FNDC3A: variants seen among roughly 807,000 people sequenced by gnomAD.
FNDC3A encodes the protein fibronectin type-III domain-containing protein 3A.
In FNDC3A, 32 loss-of-function variants were observed where a neutral mutation model predicts 148.9. The observed-to-expected ratio is 0.21, with a 90% CI of 0.16 to 0.29. The LOEUF (loss-of-function observed/expected upper bound fraction) is 0.29. Ranked by LOEUF, FNDC3A falls within the 10% of genes least tolerant of loss-of-function variation. The probability of loss-of-function intolerance (pLI) is 1.00; values close to 1 mark genes in which losing one functional copy is unlikely to be tolerated. For missense variants in FNDC3A, 1,191 were observed against 1,452.8 expected, an observed-to-expected ratio of 0.82 and a Z score of 2.93; for synonymous variants, 472 against 473.6, an observed-to-expected ratio of 1.00 and a Z score of 0.04.
chr13:49,051,659 A>G (rs896521705), intron 2 of FNDC3A, among the ~76,000 whole-genome samples: 2 of 152,236 alleles, frequency 1.3e-5, no homozygotes, highest in Non-Finnish European at 2.9e-5. Context: ...TTAGACGATA[A>G]TCTTTTTGTG....
At chr13:49,188,493 A>C in intron 16 of FNDC3A, 22 bp from the exon 17 acceptor site, 1 of 1,468,024 alleles carries the variant, frequency 6.8e-7, no homozygotes, top group Non-Finnish European at 9.5e-7. Context: ...TATCTGATTG[A>C]ACACAATTCC....
chr13:49,168,081 C>G (rs1230698376), intron 9 of FNDC3A, among the ~76,000 whole-genome samples: 1 of 152,156 alleles, frequency 6.6e-6, no homozygotes, highest in Non-Finnish European at 1.5e-5. Flanking sequence ...GACTCTAGGG[C>G]TTACCCAGCT....
chr13:49,110,300 C>CAAAAA, intron 3 of FNDC3A: 1 of 1,257,462 alleles, frequency 8.0e-7, no homozygotes, highest in Non-Finnish European at 1.1e-6. Flanking sequence ...TACAGCCTTG[C>CAAAAA]AAAAAAAAAA....
intron 1 of FNDC3A, among the ~76,000 whole-genome samples, chr13:48,978,996 C>T (rs994359715): frequency 6.6e-6 from 1 of 152,058 alleles, no homozygotes. Context: ...ACCTTTCTGT[C>T]TTCCCACTGT....
At chr13:49,106,490 T>C (rs1422580878) in intron 3 of FNDC3A, among the ~76,000 whole-genome samples, 1 of 151,854 alleles carries the variant, frequency 6.6e-6, no homozygotes, top group Non-Finnish European at 1.5e-5. Context: ...GTTTTTGAGA[T>C]TTTTTATGGA....
rs1878030320 is a variant in FNDC3A, at chr13:49,075,422, A to T, written c.175+58A>T. 4.1e-6 allele frequency: 4 copies of T among 982,990 alleles called. No individual in the cohort carries two copies. In the East Asian group the frequency reaches 9.7e-5, roughly 24 times the overall value. The allele number at this position is 982,990 out of a possible 1,614,324, so 60.9% of individuals were successfully genotyped here. A position where few individuals can be genotyped will look rare whatever the true frequency, so the allele number is the denominator to read the frequency against. ...ACCAAATAAACCCCAAAAATTTATG[A>T]TACATAATAGTGTATATGCCTATGG... On this transcript the variant is annotated intron_variant, in intron 3 of 25. Transcript: ENST00000492622.
In FNDC3A at chr13:49,201,854, T is replaced by C. The variant is rs765696057; in HGVS notation, c.3042T>C (p.Asn1014=). 2.8e-5 allele frequency: 45 copies of C among 1,590,060 alleles called. No individual in the cohort carries two copies. The highest frequency in any genetic ancestry group is 3.5e-5 in the Non-Finnish European group (41 of 1,165,548). ...ATACATACAAAGTACAAAGACTTAA[T>C]GAGTCAACATCCTATAAATTCTGTA... ...PCHTYKVQRL[N]ESTSYKFCIQ... The change falls in exon 24 of 26, where the codon AAT becomes AAC. Residue 1014 remains asparagine (N), a synonymous_variant. Transcript: ENST00000492622.
chr13:49,040,598 TC>T (rs1874849584), intron 2 of FNDC3A, among the ~76,000 whole-genome samples: 1 of 152,226 alleles, frequency 6.6e-6, no homozygotes, highest in Non-Finnish European at 1.5e-5. Context: ...AGTTGGAAGA[TC>T]AGCAGTGCAT....
At chr13:49,199,408 A>G (rs888224406) in intron 23 of FNDC3A, among the ~76,000 whole-genome samples, 1 of 150,902 alleles carries the variant, frequency 6.6e-6, no homozygotes, top group African/African-American at 2.5e-5. Context: ...GCTCACTGCA[A>G]TCTCCGCCTC....
intron 17 of FNDC3A, among the ~76,000 whole-genome samples, chr13:49,190,510 C>T (rs1316795404): frequency 6.6e-6 from 1 of 152,044 alleles, no homozygotes; most frequent in Admixed American, 6.6e-5. Context: ...ATACCAAGAC[C>T]CCATCTCTAA....
At chr13:49,046,463 A>C (rs1220424005) in intron 2 of FNDC3A, 1 of 168,754 alleles carries the variant, frequency 5.9e-6, no homozygotes, top group African/African-American at 2.4e-5. Context: ...CTTGTTATGA[A>C]TAAAATAGAT....
At chr13:48,985,032 A>G (rs1951762873) in intron 1 of FNDC3A, among the ~76,000 whole-genome samples, 1 of 152,190 alleles carries the variant, frequency 6.6e-6, no homozygotes, top group Non-Finnish European at 1.5e-5. Flanking sequence ...AAAACTTTTA[A>G]AAGTTAATTT....
At chr13:49,073,648 T>C (rs1877856015) in intron 2 of FNDC3A, among the ~76,000 whole-genome samples, 1 of 149,048 alleles carries the variant, frequency 6.7e-6, no homozygotes, top group Non-Finnish European at 1.5e-5. Context: ...CCCCAAGATA[T>C]CTCATTTCAT....
intron 4 of FNDC3A, among the ~76,000 whole-genome samples, chr13:49,119,735 T>C (rs2137892260): frequency 6.6e-6 from 1 of 151,698 alleles, no homozygotes; most frequent in African/African-American, 2.4e-5. Flanking sequence ...GAAGAAAGGA[T>C]GTCAGAGATT....
chr13:49,083,981 G>A (rs1329451256), intron 3 of FNDC3A, among the ~76,000 whole-genome samples: 3 of 152,196 alleles, frequency 2.0e-5, no homozygotes, highest in Non-Finnish European at 4.4e-5. Context: ...CTCTGAATGA[G>A]CGTGTTAAAT....
Position 49,201,397 on chromosome 13 carries a change from A to G in FNDC3A, c.2988-403A>G, listed in dbSNP as rs1886412111. Among the ~76,000 whole-genome samples, 4 of 152,180 alleles carry G rather than the reference A, an allele frequency of 2.6e-5. No homozygotes were observed. The South Asian group carries it at 8.3e-4, about 31-fold the overall frequency. On this transcript the variant is annotated intron_variant, in intron 23 of 25. Coordinates refer to ENST00000492622, the MANE Select transcript of FNDC3A (RefSeq NM_001079673.2). ...ATCTCATAGCTCAGGTCTCTATGCC[A>G]TACTTGGCAAATTTTATCAATATGA... is the stretch of plus-strand genomic sequence containing the variant.
At chr13:49,113,430 A>G (rs1028602823) in intron 3 of FNDC3A, among the ~76,000 whole-genome samples, 2 of 150,816 alleles carry the variant, frequency 1.3e-5, no homozygotes, top group African/African-American at 4.9e-5. Context: ...TTCTGTCCTC[A>G]CCCCTTGCCT....
chr13:49,056,186 C>CAAA (rs71076063), intron 2 of FNDC3A, among the ~76,000 whole-genome samples: 1 of 131,360 alleles, frequency 7.6e-6, no homozygotes, highest in Non-Finnish European at 1.6e-5. Context: ...GACCCTGCCT[C>CAAA]AAAAAAAAAA....
intron 1 of FNDC3A, among the ~76,000 whole-genome samples, chr13:48,979,685 G>T (rs1951664296): frequency 6.6e-6 from 1 of 152,128 alleles, no homozygotes; most frequent in African/African-American, 2.4e-5. Flanking sequence ...TAAGCTTTAT[G>T]TATAATGGAT....
Sources: gnomAD v4.1 joint callset for allele counts (sites outside exome capture counted in the v4.1 genomes callset) on GRCh38, gnomAD v4.1.1 for gene constraint, MANE v1.5 for transcripts, NCBI Gene and HGNC (gene_info 2026-07-23, HGNC 2026-07-21) for gene names.